Variants in GABRG1 observed in about 807,000 individuals in gnomAD.
GABRG1 encodes gamma-aminobutyric acid receptor subunit gamma-1.
GABRG1 carries 49 observed loss-of-function variants against 49.8 expected under a neutral mutation model. The ratio of observed to expected loss-of-function variants is 0.98; its 90% CI spans 0.78 to 1.25. The LOEUF (loss-of-function observed/expected upper bound fraction) is 1.25, where lower values mean the gene tolerates loss of function less well. Among genes scored for constraint, GABRG1 ranks in the 50% most tolerant of loss-of-function variants. GABRG1 has a pLI of 0.00. For missense variants in GABRG1, 552 were observed against 552.3 expected (o/e 1.00, Z 0.01); for synonymous variants, 232 against 185.1 (o/e 1.25, Z -2.06).
intron 1 of GABRG1, among the ~76,000 whole-genome samples, chr4:46,099,870 A>G (rs1720317535): frequency 6.6e-6 from 1 of 151,668 alleles, no homozygotes; most frequent in African/African-American, 2.4e-5. Context: ...GATTAACTTG[A>G]CCAATGTAAC....
intron 7 of GABRG1, among the ~76,000 whole-genome samples, chr4:46,056,036 A>G (rs1249640477): frequency 6.2e-5 from 2 of 32,206 alleles, no homozygotes; most frequent in African/African-American, 3.0e-4. Context: ...GTGCACCAGC[A>G]TGGCACATGT....
chr4:46,064,317 T>C, intron 5 of GABRG1, 124 bp downstream of exon 5: 1 of 527,122 alleles, frequency 1.9e-6, no homozygotes, highest in Admixed American at 3.8e-5. Flanking sequence ...AATTATTTTA[T>C]CTAAAAGAAT....
intron 1 of GABRG1, 149 bp from the exon 2 acceptor site, chr4:46,097,498 CAT>C: frequency 1.5e-6 from 1 of 651,560 alleles, no homozygotes; most frequent in Non-Finnish European, 2.4e-6. Flanking sequence ...AAGACCAATA[CAT>C]TTGTCATACA....
intron 3 of GABRG1, among the ~76,000 whole-genome samples, chr4:46,078,491 G>A (rs887219835): frequency 6.6e-6 from 1 of 151,898 alleles, no homozygotes; most frequent in Middle Eastern, 3.2e-3. Flanking sequence ...AGGGAGGGTG[G>A]CAGGGAGAAA....
intron 2 of GABRG1, among the ~76,000 whole-genome samples, chr4:46,089,297 A>G (rs558454138): frequency 1.3e-5 from 2 of 152,196 alleles, no homozygotes; most frequent in South Asian, 4.1e-4. Context: ...AAAAGTCATT[A>G]TTTATACGTC....
chr4:46,090,668 TA>T (rs749328700), intron 2 of GABRG1, among the ~76,000 whole-genome samples: 63 of 152,002 alleles, frequency 4.1e-4, no homozygotes, highest in Non-Finnish European at 8.5e-4. Context: ...AAATTTTTTT[TA>T]AATAAACACA....
chr4:46,119,912 G>A (rs185078698), intron 1 of GABRG1, among the ~76,000 whole-genome samples: 2 of 151,798 alleles, frequency 1.3e-5, no homozygotes, highest in East Asian at 1.9e-4. Context: ...CCACTTTAGC[G>A]AGGCTATATC....
chr4:46,083,906 TACTC>T (rs1719661933), intron 3 of GABRG1, 76 bp downstream of exon 3: 2 of 773,496 alleles, frequency 2.6e-6, no homozygotes, highest in Non-Finnish European at 4.4e-6. Context: ...TATAAAAAAT[TACTC>T]ACATGCGAAT....
At chr4:46,083,692 A>AT (rs527909504) in intron 3 of GABRG1, among the ~76,000 whole-genome samples, 2 of 146,274 alleles carry the variant, frequency 1.4e-5, no homozygotes, top group African/African-American at 5.0e-5. Context: ...AGACTTCCTG[A>AT]TTTTTTTTCT....
At chr4:46,067,564 C>G (rs925358074) in intron 3 of GABRG1, among the ~76,000 whole-genome samples, 1 of 152,088 alleles carries the variant, frequency 6.6e-6, no homozygotes, top group African/African-American at 2.4e-5. Flanking sequence ...CCTCTCTTTA[C>G]ATAATTTTGA....
rs1720370865 is a variant in GABRG1 at position 46,101,318 on chromosome 4, A to G, written c.105-3969T>C. On this transcript the variant is annotated intron_variant, in intron 1 of 8. Coordinates refer to ENST00000295452, the MANE Select transcript of GABRG1 (RefSeq NM_173536.4). ...CCTTAAAGTTTTCCTGGCACAACAT[A>G]TACCTTTATTGAATAATCTAGGGTG... Among the ~76,000 whole-genome samples, 2 of 151,630 alleles carry G rather than the reference A, an allele frequency of 1.3e-5. 1 individual carries two copies. The highest frequency in any genetic ancestry group is 2.9e-5 in the Non-Finnish European group (2 of 67,816).
chr4:46,091,618 CG>C lies in GABRG1; in HGVS notation c.253+5582del, dbSNP rs532849314. On this transcript the variant is annotated intron_variant, in intron 2 of 8. Coordinates refer to ENST00000295452, the MANE Select transcript of GABRG1 (RefSeq NM_173536.4). ...AATACTACCAGTGAGAAACATTGAA[CG>C]GGAAATTAGGTCGGTAATAAAGAGC... 3.2e-3 allele frequency among the ~76,000 whole-genome samples: 492 copies of C among 151,870 alleles called. 2 individuals carry two copies. Among genetic ancestry groups the C allele is most frequent in the African/African-American group, 0.012 (477 of 41,420 alleles).
chr4:46,073,763 T>C (rs932527633), intron 3 of GABRG1, among the ~76,000 whole-genome samples: 2 of 152,088 alleles, frequency 1.3e-5, no homozygotes, highest in African/African-American at 4.8e-5. Context: ...GTTCAACTGA[T>C]AAATTACGCA....
chr4:46,056,150 T>TAAAAAAAAAA lies in GABRG1; in HGVS notation c.916+2066_916+2067insTTTTTTTTTT, dbSNP rs1491407033. ...AAAAAAAAAAAAATAAATAAATAAA[T>TAAAAAAAAAA]TAAAAAAAAAAAAAAAAAAAAAAAA... On this transcript the variant is annotated intron_variant, in intron 7 of 8. Transcript: ENST00000295452. Among the ~76,000 whole-genome samples the TAAAAAAAAAA allele has an allele frequency of 5.0e-4, 23 of 46,070 alleles. 3 individuals are homozygous for TAAAAAAAAAA. Among genetic ancestry groups the TAAAAAAAAAA allele is most frequent in the Non-Finnish European group, 8.8e-4 (17 of 19,298 alleles). 30.2% of individuals were successfully genotyped at this position (46,070 alleles called of 152,430 possible). A position where few individuals can be genotyped will look rare whatever the true frequency, so the allele number is the denominator to read the frequency against.
intron 5 of GABRG1, among the ~76,000 whole-genome samples, chr4:46,059,637 C>A (rs528654895): frequency 6.6e-6 from 1 of 151,868 alleles, no homozygotes; most frequent in East Asian, 1.9e-4. Context: ...ATTCTCGAAC[C>A]CCTGACCTCA....
At chr4:46,121,121 G>C (rs972295026) in intron 1 of GABRG1, among the ~76,000 whole-genome samples, 1 of 151,592 alleles carries the variant, frequency 6.6e-6, no homozygotes, top group African/African-American at 2.4e-5. Context: ...TACTGTTGAT[G>C]GAAATTAATG....
At chr4:46,062,497 T>G (rs10011317) in intron 5 of GABRG1, among the ~76,000 whole-genome samples, 76,781 of 151,844 alleles carry the variant, frequency 0.51, 19,990 homozygotes, top group African/African-American at 0.63. Flanking sequence ...CACCAACAGT[T>G]TAAAAGTGTT....
intron 8 of GABRG1, among the ~76,000 whole-genome samples, chr4:46,047,636 C>T (rs898966150): frequency 4.0e-5 from 6 of 151,806 alleles, no homozygotes; most frequent in Non-Finnish European, 5.9e-5. Flanking sequence ...TTTAAAAATA[C>T]ATTTTATGTT....
intron 3 of GABRG1, among the ~76,000 whole-genome samples, chr4:46,079,024 T>C (rs1414923671): frequency 6.6e-6 from 1 of 151,824 alleles, no homozygotes; most frequent in Non-Finnish European, 1.5e-5. Flanking sequence ...TAATAAATAA[T>C]GTTTGTGACT....
Sources: allele counts gnomAD v4.1 joint callset (sites outside exome capture counted in the v4.1 genomes callset), GRCh38; gene constraint gnomAD v4.1.1; transcripts MANE v1.5; gene names NCBI Gene and HGNC (gene_info 2026-07-23, HGNC 2026-07-21).